Variants in C12orf42 observed in about 807,000 individuals in gnomAD.
C12orf42 encodes the protein uncharacterized protein C12orf42.
C12orf42 carries 25 observed loss-of-function variants against 21.6 expected under a neutral mutation model. That is an observed-to-expected ratio of 1.16 (90% CI 0.84 to 1.62). C12orf42 has a LOEUF of 1.62. C12orf42 is among the 40% of genes most tolerant of loss of function. C12orf42 has a pLI of 0.00. For missense variants in C12orf42, 483 were observed against 459.3 expected, an observed-to-expected ratio of 1.05 and a Z score of -0.47; for synonymous variants, 174 against 175.0, an observed-to-expected ratio of 0.99 and a Z score of 0.05.
chr12:103,110,017 C>A, the C12orf42 span, among the ~76,000 whole-genome samples: 2 of 151,928 alleles, frequency 1.3e-5, no homozygotes, highest in Admixed American at 1.3e-4. Context: ...AAAGTCTGGG[C>A]GAAAGAGCAA....
chr12:103,089,101 C>CAAAAAAAAAA, the C12orf42 span, among the ~76,000 whole-genome samples: 5 of 54,844 alleles, frequency 9.1e-5, no homozygotes, highest in African/African-American at 3.9e-4. Context: ...GACTCCATCT[C>CAAAAAAAAAA]AAAAAAAAAA....
chr12:103,471,837 CTCTT>C (rs1185877170), intron 2 of C12orf42: 1 of 152,166 alleles, frequency 6.6e-6, no homozygotes, highest in Admixed American at 6.5e-5. Context: ...CATTCTATTT[CTCTT>C]TCTTAAAAAT....
At chr12:103,292,301 G>A (rs113001588) in intron 4 of C12orf42, among the ~76,000 whole-genome samples, 2 of 151,952 alleles carry the variant, frequency 1.3e-5, no homozygotes, top group African/African-American at 4.8e-5. Context: ...AAGGGTACAG[G>A]GTTTCTATTC....
chr12:103,352,546 G>A (rs2043187175), intron 4 of C12orf42, among the ~76,000 whole-genome samples: 1 of 152,088 alleles, frequency 6.6e-6, no homozygotes, highest in Non-Finnish European at 1.5e-5. Context: ...AACAGCAACT[G>A]TGGGCTGAAA....
chr12:103,308,675 G>A (rs1396259756), intron 4 of C12orf42, among the ~76,000 whole-genome samples: 4 of 152,198 alleles, frequency 2.6e-5, no homozygotes, highest in African/African-American at 9.6e-5. Context: ...TTGGGCCTGA[G>A]GTAGCATGAA....
chr12:103,492,392 C>T (rs1481435155), intron 1 of C12orf42, among the ~76,000 whole-genome samples: 2 of 152,226 alleles, frequency 1.3e-5, no homozygotes, highest in African/African-American at 2.4e-5. Context: ...ACCTCAACTG[C>T]CTGACTTCAC....
the C12orf42 span, among the ~76,000 whole-genome samples, chr12:103,223,068 A>T: frequency 6.6e-6 from 1 of 152,114 alleles, no homozygotes; most frequent in Non-Finnish European, 1.5e-5. Flanking sequence ...ATAGTGTATA[A>T]AAATAATTAC....
the C12orf42 span, among the ~76,000 whole-genome samples, chr12:103,059,488 T>C: frequency 5.3e-5 from 8 of 152,282 alleles, no homozygotes; most frequent in Admixed American, 3.3e-4. Flanking sequence ...GAGGGTAGTA[T>C]CATCCTGATA....
intron 4 of C12orf42, among the ~76,000 whole-genome samples, chr12:103,346,596 C>A (rs1206720760): frequency 1.3e-5 from 2 of 152,116 alleles, no homozygotes; most frequent in Admixed American, 1.3e-4. Context: ...ATGTAATTAG[C>A]AGAGAAAAGT....
At chr12:103,168,229 A>C in the C12orf42 span, 1 of 375,520 alleles carries the variant, frequency 2.7e-6, no homozygotes, top group Non-Finnish European at 5.2e-6. Flanking sequence ...ATTTATATTC[A>C]ATGTACTCAA....
intron 4 of C12orf42, chr12:103,368,138 T>G (rs537487148): frequency 4.1e-5 from 41 of 1,002,212 alleles, no homozygotes; most frequent in Non-Finnish European, 5.4e-5. Flanking sequence ...AGTCGCAGGT[T>G]GTCAAAATCA....
At chr12:103,417,862 G>T (rs1593916544) in intron 2 of C12orf42, among the ~76,000 whole-genome samples, 1 of 152,132 alleles carries the variant, frequency 6.6e-6, no homozygotes, top group Non-Finnish European at 1.5e-5. Context: ...AGGAGTCAAT[G>T]GTTAGATTAA....
At chr12:103,424,055 A>C (rs778850786) in intron 2 of C12orf42, among the ~76,000 whole-genome samples, 2 of 152,248 alleles carry the variant, frequency 1.3e-5, no homozygotes, top group Non-Finnish European at 2.9e-5. Flanking sequence ...ATTTTGGCAA[A>C]TGAATGAATG....
chr12:103,548,181 G>A, the C12orf42 span, among the ~76,000 whole-genome samples: 1 of 152,204 alleles, frequency 6.6e-6, no homozygotes, highest in South Asian at 2.1e-4. Context: ...CAACGTGGAG[G>A]TGCCGCAGCC....
At chr12:103,507,957 T>C in the C12orf42 span, among the ~76,000 whole-genome samples, 1 of 152,158 alleles carries the variant, frequency 6.6e-6, no homozygotes, top group African/African-American at 2.4e-5. Flanking sequence ...TAGCTATTCA[T>C]CCCTGTGTGA....
the C12orf42 span, among the ~76,000 whole-genome samples, chr12:103,144,957 T>C: frequency 7.2e-5 from 11 of 152,202 alleles, 2 homozygotes; most frequent in South Asian, 2.3e-3. Flanking sequence ...AGATTCAAAA[T>C]CCCAGGAAAG....
At chr12:103,322,859 A>G (rs1001188718) in intron 4 of C12orf42, among the ~76,000 whole-genome samples, 5 of 152,322 alleles carry the variant, frequency 3.3e-5, no homozygotes, top group East Asian at 1.9e-4. Flanking sequence ...CCTCATAAAT[A>G]TGGCCAAACT....
intron 5 of C12orf42, among the ~76,000 whole-genome samples, chr12:103,303,502 C>G (rs2037958317): frequency 6.6e-6 from 1 of 152,078 alleles, no homozygotes; most frequent in Non-Finnish European, 1.5e-5. Flanking sequence ...TAGAAGCTTT[C>G]AAAGGTTTTT....
the C12orf42 span, among the ~76,000 whole-genome samples, chr12:103,095,988 G>C: frequency 6.6e-6 from 1 of 152,176 alleles, no homozygotes; most frequent in African/African-American, 2.4e-5. Context: ...GTGCTGAAGT[G>C]AACTCATGGG....
Sources: gnomAD v4.1 joint callset for allele counts (sites outside exome capture counted in the v4.1 genomes callset) on GRCh38, gnomAD v4.1.1 for gene constraint, MANE v1.5 for transcripts, NCBI Gene and HGNC (gene_info 2026-07-23, HGNC 2026-07-21) for gene names.